NKAIN3: variants seen among roughly 807,000 people sequenced by gnomAD.
NKAIN3 encodes sodium/potassium-transporting ATPase subunit beta-1-interacting protein 3.
NKAIN3 carries 25 observed loss-of-function variants against 30.2 expected under a neutral mutation model. That is an observed-to-expected ratio of 0.83 (90% CI 0.60 to 1.16). The LOEUF is 1.16. NKAIN3 is among the 50% of genes most tolerant of loss of function. The pLI is 0.00. For synonymous variants in NKAIN3, 91 were observed against 89.6 expected, an observed-to-expected ratio of 1.02 and a Z score of -0.09; for missense variants, 225 against 254.1, an observed-to-expected ratio of 0.89 and a Z score of 0.78.
chr8:62,422,284 C>A (rs1804665235), intron 1 of NKAIN3, among the ~76,000 whole-genome samples: 1 of 151,986 alleles, frequency 6.6e-6, no homozygotes. Flanking sequence ...TGCTGCCTTT[C>A]CTAGAAAAAC....
chr8:62,906,642 G>A (rs1225442710), intron 4 of NKAIN3, among the ~76,000 whole-genome samples: 1 of 152,170 alleles, frequency 6.6e-6, no homozygotes, highest in East Asian at 1.9e-4. Context: ...TCTTGTGATA[G>A]TGAATAAGTC....
intron 4 of NKAIN3, among the ~76,000 whole-genome samples, chr8:62,826,394 C>T (rs547515477): frequency 3.9e-5 from 6 of 152,236 alleles, no homozygotes; most frequent in African/African-American, 1.4e-4. Context: ...TCAAACCCTG[C>T]TCAAAAATGT....
chr8:62,540,232 T>C (rs1436952838), intron 1 of NKAIN3, among the ~76,000 whole-genome samples: 1 of 152,206 alleles, frequency 6.6e-6, no homozygotes, highest in Non-Finnish European at 1.5e-5. Flanking sequence ...AAATGTGCTT[T>C]AGCTGCTTTC....
intron 1 of NKAIN3, among the ~76,000 whole-genome samples, chr8:62,543,688 T>C (rs1808914492): frequency 6.6e-6 from 1 of 152,178 alleles, no homozygotes; most frequent in Non-Finnish European, 1.5e-5. Context: ...AATTATTGGG[T>C]ACTTTGGCAA....
chr8:62,697,910 A>T (rs1377652971), intron 3 of NKAIN3, among the ~76,000 whole-genome samples: 2 of 152,228 alleles, frequency 1.3e-5, no homozygotes, highest in African/African-American at 2.4e-5. Context: ...AAGACAACTG[A>T]AAATAAGATG....
chr8:62,750,569 C>A (rs771766259), intron 4 of NKAIN3, among the ~76,000 whole-genome samples: 1 of 152,104 alleles, frequency 6.6e-6, no homozygotes, highest in Admixed American at 6.5e-5. Context: ...CAGCTTCTGC[C>A]GGCGCCTCTG....
intron 1 of NKAIN3, among the ~76,000 whole-genome samples, chr8:62,424,391 C>G (rs546866676): frequency 1.3e-5 from 2 of 151,656 alleles, no homozygotes; most frequent in Admixed American, 1.3e-4. Flanking sequence ...ATATGTAAAC[C>G]ATACATCTAA....
intron 1 of NKAIN3, among the ~76,000 whole-genome samples, chr8:62,286,236 G>T (rs1813376309): frequency 6.6e-6 from 1 of 152,088 alleles, no homozygotes; most frequent in Admixed American, 6.6e-5. Context: ...AATTGTGCAG[G>T]ATTTAGTTTC....
At chr8:62,559,931 T>G (rs1406350730) in intron 1 of NKAIN3, among the ~76,000 whole-genome samples, 2 of 152,124 alleles carry the variant, frequency 1.3e-5, no homozygotes, top group Non-Finnish European at 2.9e-5. Context: ...TTTAGCCTTT[T>G]CTTCAGGGTA....
Position 62,345,156 on chromosome 8 carries a change from T to C in NKAIN3, c.54+96029T>C, listed in dbSNP as rs191982775. ...TCTACTGGTTATTGTTTGTTGACTT[T>C]GTATCCTGGAACTTTACCACATTTA... is the stretch of plus-strand genomic sequence containing the variant. On this transcript the variant is annotated intron_variant, in intron 1 of 6. Coordinates refer to ENST00000623646, the MANE Select transcript of NKAIN3 (RefSeq NM_001304533.3). Among the ~76,000 whole-genome samples the C allele has an allele frequency of 2.6e-3, 388 of 151,886 alleles. 1 individual carries two copies. Among genetic ancestry groups the C allele is most frequent in the African/African-American group, 8.9e-3 (369 of 41,480 alleles).
intron 4 of NKAIN3, among the ~76,000 whole-genome samples, chr8:62,780,352 C>T (rs1299195020): frequency 6.6e-6 from 1 of 152,012 alleles, no homozygotes. Context: ...CAATGAATTA[C>T]ACCAAATGTA....
intron 1 of NKAIN3, among the ~76,000 whole-genome samples, chr8:62,561,933 A>G (rs980969885): frequency 1.3e-5 from 2 of 152,174 alleles, no homozygotes; most frequent in Non-Finnish European, 2.9e-5. Context: ...TGCCTATAAA[A>G]TCATCAGAAA....
At chr8:62,839,657 C>T (rs1050720680) in intron 4 of NKAIN3, among the ~76,000 whole-genome samples, 6 of 152,014 alleles carry the variant, frequency 3.9e-5, no homozygotes, top group African/African-American at 1.4e-4. Context: ...GATCACAGTT[C>T]ACTGTAACTG....
chr8:62,259,491 A>G (rs1440530836), intron 1 of NKAIN3, among the ~76,000 whole-genome samples: 1 of 152,204 alleles, frequency 6.6e-6, no homozygotes, highest in East Asian at 1.9e-4. Flanking sequence ...AGCAGAATAG[A>G]ATATTAGACT....
intron 4 of NKAIN3, among the ~76,000 whole-genome samples, chr8:62,807,521 T>A (rs574028914): frequency 6.6e-6 from 1 of 151,244 alleles, no homozygotes; most frequent in Non-Finnish European, 1.5e-5. Context: ...AGATTATATA[T>A]CTATTTCTCA....
chr8:62,630,781 T>C (rs1811931764), intron 3 of NKAIN3, among the ~76,000 whole-genome samples: 1 of 152,146 alleles, frequency 6.6e-6, no homozygotes, highest in African/African-American at 2.4e-5. Flanking sequence ...TCTGTCTGAC[T>C]CAGAGAAATC....
intron 1 of NKAIN3, among the ~76,000 whole-genome samples, chr8:62,335,686 T>C (rs1329699989): frequency 6.6e-6 from 1 of 151,952 alleles, no homozygotes; most frequent in African/African-American, 2.4e-5. Context: ...TCCACAGTAA[T>C]TCTAAAATCC....
At chr8:62,345,450 CATATGTAT>C (rs1815930635) in intron 1 of NKAIN3, among the ~76,000 whole-genome samples, 2 of 78,042 alleles carry the variant, frequency 2.6e-5, no homozygotes, top group African/African-American at 1.3e-4. Flanking sequence ...TATATACACA[CATATGTAT>C]ATATACACAT....
intron 4 of NKAIN3, among the ~76,000 whole-genome samples, chr8:62,851,062 A>G (rs1195255819): frequency 6.6e-6 from 1 of 151,892 alleles, no homozygotes; most frequent in Non-Finnish European, 1.5e-5. Flanking sequence ...GGCCATTTTC[A>G]CAATATTGAT....
Sources: allele counts gnomAD v4.1 joint callset (sites outside exome capture counted in the v4.1 genomes callset), GRCh38; gene constraint gnomAD v4.1.1; transcripts MANE v1.5; gene names NCBI Gene and HGNC (gene_info 2026-07-23, HGNC 2026-07-21).